Variants in MTREX observed in about 807,000 individuals in gnomAD.
MTREX encodes Mtr4 exosome RNA helicase.
MTREX carries 76 observed loss-of-function variants against 135.4 expected under a neutral mutation model. The ratio of observed to expected loss-of-function variants is 0.56; its 90% CI spans 0.47 to 0.68. MTREX has a LOEUF of 0.68. Among genes scored for constraint, MTREX ranks in the 30% least tolerant of loss-of-function variants. The pLI is 0.00. For missense variants in MTREX, 920 were observed against 1,262.1 expected (o/e 0.73, Z 4.11); for synonymous variants, 404 against 401.6 (o/e 1.01, Z -0.07).
rs537171800 is a variant in MTREX, at chr5:55,336,117, T to A, written c.516-3893T>A. Among the ~76,000 whole-genome samples, 11 of 152,326 alleles carry A rather than the reference T, an allele frequency of 7.2e-5. No individual in the cohort carries two copies. In the East Asian group the frequency reaches 1.9e-3, roughly 27 times the overall value. Reference sequence around the variant, plus strand: ...TATTTTATCCAGCAACCTCATCATGTTTCCTTAAGTTTTATTAACTTTTTT... The same window carrying A: ...TATTTTATCCAGCAACCTCATCATGATTCCTTAAGTTTTATTAACTTTTTT... On this transcript the variant is annotated intron_variant, in intron 5 of 26. Coordinates refer to ENST00000230640, the MANE Select transcript of MTREX (RefSeq NM_015360.5).
chr5:55,309,831 G>A (rs1235872392), intron 1 of MTREX, among the ~76,000 whole-genome samples: 2 of 152,158 alleles, frequency 1.3e-5, no homozygotes, highest in East Asian at 3.8e-4. Flanking sequence ...GGGTACATAA[G>A]CCTAAATAAG....
chr5:55,382,476 C>T (rs1750411903), intron 18 of MTREX, among the ~76,000 whole-genome samples: 1 of 151,938 alleles, frequency 6.6e-6, no homozygotes, highest in Non-Finnish European at 1.5e-5. Flanking sequence ...TTCTGTATAG[C>T]TCTATTCTAT....
intron 22 of MTREX, among the ~76,000 whole-genome samples, chr5:55,406,079 A>G (rs1297242661): frequency 2.0e-5 from 3 of 152,242 alleles, no homozygotes; most frequent in Non-Finnish European, 4.4e-5. Flanking sequence ...TGGGCTAATA[A>G]TAGGATTTTA....
chr5:55,395,184 T>C (rs1750628204), intron 19 of MTREX, among the ~76,000 whole-genome samples: 1 of 151,982 alleles, frequency 6.6e-6, no homozygotes, highest in Non-Finnish European at 1.5e-5. Flanking sequence ...GATGGGTGGA[T>C]CACTTGAGGT....
chr5:55,342,760 A>T (rs946436573), intron 7 of MTREX, among the ~76,000 whole-genome samples: 13 of 152,350 alleles, frequency 8.5e-5, no homozygotes, highest in African/African-American at 2.9e-4. Context: ...CAAATTTATA[A>T]AATTAAGCTC....
In MTREX at chr5:55,358,446, GT is replaced by G. The variant is rs1454066097; in HGVS notation, c.1534-122del. Reference sequence around the variant, plus strand: ...TTTAACTCTTCTCAAACTTCATGTTGTTTTTAATCATGTTTCCTTTCTTAGG... The same window carrying G: ...TTTAACTCTTCTCAAACTTCATGTTGTTTTAATCATGTTTCCTTTCTTAGG... On this transcript the variant is annotated intron_variant, in intron 14 of 26. Coordinates refer to ENST00000230640, the MANE Select transcript of MTREX (RefSeq NM_015360.5). 6 of 804,312 alleles carry G rather than the reference GT, an allele frequency of 7.5e-6. No individual in the cohort carries two copies. The East Asian group carries it at 1.9e-4, about 25-fold the overall frequency. The allele number at this position is 804,312 out of a possible 1,614,324, so 49.8% of individuals were successfully genotyped here. A position where few individuals can be genotyped will look rare whatever the true frequency, so the allele number is the denominator to read the frequency against.
intron 14 of MTREX, among the ~76,000 whole-genome samples, chr5:55,355,218 C>T (rs1209835735): frequency 6.6e-6 from 1 of 152,140 alleles, no homozygotes; most frequent in Non-Finnish European, 1.5e-5. Context: ...AGTGATCACT[C>T]CCAGGCTCTC....
chr5:55,339,884 T>G (rs2112055032), intron 5 of MTREX, 126 bp from the exon 6 acceptor site: 1 of 512,718 alleles, frequency 2.0e-6, no homozygotes, highest in East Asian at 3.4e-5. Context: ...ATGGTGTTAC[T>G]GTTCTTCAGA....
Position 55,340,041 on chromosome 5 carries a change from C to T in MTREX, c.547C>T (p.Gln183Ter). The change falls in exon 6 of 27, where the codon CAG becomes TAG. Residue 183 changes from glutamine to a stop codon, truncating the protein, a stop_gained. Coordinates refer to ENST00000230640, the MANE Select transcript of MTREX (RefSeq NM_015360.5). LOFTEE classifies it high-confidence loss of function. ...CATTGCATTGGCCTTAAGGGAAAAGCAGCGTGTAATATTTACCAGCCCAAT... is the reference window on the plus strand; with the variant it reads ...CATTGCATTGGCCTTAAGGGAAAAGTAGCGTGTAATATTTACCAGCCCAAT... Reference protein sequence around the residue: ...YAIALALREKQRVIFTSPIKA... With the variant: ...YAIALALREK The T allele has an allele frequency of 1.9e-6, 3 of 1,571,032 alleles. No individual in the cohort carries two copies. Among genetic ancestry groups the T allele is most frequent in the Non-Finnish European group, 2.6e-6 (3 of 1,159,630 alleles).
At chr5:55,423,029 G>T in intron 26 of MTREX, 47 bp downstream of exon 26, 1 of 1,489,826 alleles carries the variant, frequency 6.7e-7, no homozygotes, top group Non-Finnish European at 9.3e-7. Flanking sequence ...CAAATTTGGT[G>T]AAGCAAATCT....
chr5:55,359,235 G>A (rs1438621672), intron 15 of MTREX, among the ~76,000 whole-genome samples: 3 of 152,254 alleles, frequency 2.0e-5, no homozygotes, highest in Non-Finnish European at 2.9e-5. Context: ...TTTGTGCTTC[G>A]GATGGTCTAG....
intron 1 of MTREX, among the ~76,000 whole-genome samples, chr5:55,316,216 T>C (rs1258413102): frequency 6.6e-6 from 1 of 152,040 alleles, no homozygotes; most frequent in East Asian, 1.9e-4. Flanking sequence ...TACAAAGAAA[T>C]GTTGGTAGCA....
At chr5:55,416,183 G>T in intron 25 of MTREX, 51 bp downstream of exon 25, 1 of 1,188,130 alleles carries the variant, frequency 8.4e-7, no homozygotes, top group South Asian at 1.5e-5. Flanking sequence ...AATACAGTTA[G>T]GATGGTATTG....
At chr5:55,373,167 T>A (rs1750234955) in intron 16 of MTREX, among the ~76,000 whole-genome samples, 1 of 151,272 alleles carries the variant, frequency 6.6e-6, no homozygotes, top group African/African-American at 2.4e-5. Flanking sequence ...TAATAAATTT[T>A]TTTTGACTTA....
chr5:55,338,866 C>T (rs1275282859), intron 5 of MTREX, among the ~76,000 whole-genome samples: 2 of 144,210 alleles, frequency 1.4e-5, no homozygotes, highest in Non-Finnish European at 3.0e-5. Flanking sequence ...TGTTGGCTCA[C>T]TGCAGCCTCC....
At chr5:55,423,262 T>C in intron 26 of MTREX, 1 of 357,820 alleles carries the variant, frequency 2.8e-6, no homozygotes, top group Non-Finnish European at 5.0e-6. Context: ...CCTGCCTTCA[T>C]GGAGTTTACA....
At chr5:55,328,044 G>T (rs1396216330) in intron 4 of MTREX, among the ~76,000 whole-genome samples, 1 of 151,980 alleles carries the variant, frequency 6.6e-6, no homozygotes, top group Non-Finnish European at 1.5e-5. Flanking sequence ...CCTTTCTCCA[G>T]AAAAAAATAC....
At chr5:55,316,137 G>A (rs1289607241) in intron 1 of MTREX, among the ~76,000 whole-genome samples, 1 of 152,070 alleles carries the variant, frequency 6.6e-6, no homozygotes, top group Non-Finnish European at 1.5e-5. Context: ...AATTAAATCA[G>A]TAATAAATAG....
chr5:55,389,935 A>G (rs150751316), intron 19 of MTREX, among the ~76,000 whole-genome samples: 297 of 152,266 alleles, frequency 2.0e-3, no homozygotes, highest in African/African-American at 7.0e-3. Context: ...TTATAAGGAA[A>G]TATTAGCTCT....
Sources: allele counts gnomAD v4.1 joint callset (sites outside exome capture counted in the v4.1 genomes callset), GRCh38; gene constraint gnomAD v4.1.1; transcripts MANE v1.5; gene names NCBI Gene and HGNC (gene_info 2026-07-23, HGNC 2026-07-21).